CDKAL1: variants seen among roughly 807,000 people sequenced by gnomAD.
The protein encoded by CDKAL1 is threonylcarbamoyladenosine tRNA methylthiotransferase.
A neutral mutation model predicts 68.2 loss-of-function variants in CDKAL1; 32 were observed. The observed-to-expected ratio is 0.47, with a 90% CI of 0.35 to 0.63. CDKAL1 has a LOEUF of 0.63. CDKAL1 is among the 30% of genes least tolerant of loss of function. The probability of loss-of-function intolerance (pLI) is 0.00; values close to 1 mark genes in which losing one functional copy is unlikely to be tolerated. For missense variants in CDKAL1, 606 were observed against 696.7 expected (o/e 0.87, Z 1.47); for synonymous variants, 234 against 244.3 (o/e 0.96, Z 0.39).
chr6:20,779,581 G>A (rs897775585), intron 7 of CDKAL1, among the ~76,000 whole-genome samples: 2 of 152,208 alleles, frequency 1.3e-5, no homozygotes, highest in African/African-American at 4.8e-5. Context: ...TTATTGTGAT[G>A]ATTATAAAAC....
At chr6:20,826,778 A>G (rs990766646) in intron 8 of CDKAL1, among the ~76,000 whole-genome samples, 19 of 152,112 alleles carry the variant, frequency 1.2e-4, no homozygotes, top group African/African-American at 4.3e-4. Context: ...AATCACCTGC[A>G]CTTTTCATTT....
At chr6:20,949,545 G>A (rs1280794531) in intron 9 of CDKAL1, among the ~76,000 whole-genome samples, 1 of 152,050 alleles carries the variant, frequency 6.6e-6, no homozygotes, top group East Asian at 1.9e-4. Context: ...TACTGAAAGC[G>A]ATCCCATCAA....
At chr6:20,759,769 C>A (rs78156017) in intron 7 of CDKAL1, among the ~76,000 whole-genome samples, 1 of 152,046 alleles carries the variant, frequency 6.6e-6, no homozygotes, top group Non-Finnish European at 1.5e-5. Context: ...TGAAATAAAC[C>A]ATCTTCAACT....
At chr6:21,022,791 G>A (rs1768741845) in intron 11 of CDKAL1, among the ~76,000 whole-genome samples, 1 of 152,144 alleles carries the variant, frequency 6.6e-6, no homozygotes, top group African/African-American at 2.4e-5. Flanking sequence ...TATAGTATGT[G>A]CTTTGTGTAC....
At position 21,166,700 on chromosome 6, in the gene CDKAL1, T is replaced by C. The variant is rs533819430; in HGVS notation, c.1300-31321T>C. On this transcript the variant is annotated intron_variant, in intron 13 of 15. Coordinates refer to ENST00000274695, the MANE Select transcript of CDKAL1 (RefSeq NM_017774.3). ...AAGAGAGCATAGTAGAACATTTTGA[T>C]TGAAAAGGAAAATGTTTTACCTGCT... 3.1e-3 allele frequency among the ~76,000 whole-genome samples: 478 copies of C among 152,282 alleles called. 3 individuals are homozygous for C. Among genetic ancestry groups the C allele is most frequent in the African/African-American group, 0.011 (459 of 41,550 alleles).
At chr6:21,200,064 C>G (rs1778628130) in intron 14 of CDKAL1, among the ~76,000 whole-genome samples, 1 of 152,180 alleles carries the variant, frequency 6.6e-6, no homozygotes, top group African/African-American at 2.4e-5. Flanking sequence ...AAGATTGTAT[C>G]TAGATATCCA....
intron 13 of CDKAL1, among the ~76,000 whole-genome samples, chr6:21,118,205 A>G (rs1484495305): frequency 2.6e-5 from 4 of 152,234 alleles, no homozygotes; most frequent in Admixed American, 2.0e-4. Flanking sequence ...ATATTGAGAC[A>G]TACTGAGAAA....
chr6:21,184,421 C>T (rs1326404277), intron 13 of CDKAL1, among the ~76,000 whole-genome samples: 8 of 152,128 alleles, frequency 5.3e-5, no homozygotes, highest in Admixed American at 2.6e-4. Flanking sequence ...TCTCTAACTC[C>T]TGGCCTCAAG....
At position 21,228,717 on chromosome 6, in the gene CDKAL1, C is replaced by T. The variant is rs147979826; in HGVS notation, c.1549-2131C>T. On this transcript the variant is annotated intron_variant, in intron 15 of 15. Transcript: ENST00000274695. Reference sequence around the variant, plus strand: ...ATTTCAGAGATGAATTAGGCAGACTCGCTGCTTTTGAGGAACTCACATAGT... The same window carrying T: ...ATTTCAGAGATGAATTAGGCAGACTTGCTGCTTTTGAGGAACTCACATAGT... 4.6e-5 allele frequency among the ~76,000 whole-genome samples: 7 copies of T among 152,320 alleles called. 1 individual carries two copies. Among genetic ancestry groups the T allele is most frequent in the African/African-American group, 1.7e-4 (7 of 41,580 alleles).
At chr6:20,890,146 TCA>T (rs564651568) in intron 9 of CDKAL1, among the ~76,000 whole-genome samples, 68 of 152,338 alleles carry the variant, frequency 4.5e-4, no homozygotes, top group Admixed American at 4.4e-3. Flanking sequence ...AAGATGATAG[TCA>T]CACAGTGACA....
intron 11 of CDKAL1, among the ~76,000 whole-genome samples, chr6:21,056,587 T>C (rs1014909848): frequency 5.9e-5 from 9 of 152,172 alleles, no homozygotes; most frequent in Admixed American, 1.3e-4. Flanking sequence ...AGAGAGGGCA[T>C]CTTTGTCTTG....
intron 2 of CDKAL1, among the ~76,000 whole-genome samples, chr6:20,538,683 G>A (rs995297000): frequency 3.9e-5 from 6 of 152,084 alleles, no homozygotes; most frequent in African/African-American, 7.2e-5. Context: ...TAGTTCTTCC[G>A]CATTCCAAAG....
chr6:20,810,397 CACACA>C (rs1776752128), intron 8 of CDKAL1, among the ~76,000 whole-genome samples: 5 of 2,168 alleles, frequency 2.3e-3, no homozygotes, highest in East Asian at 0.013. Context: ...CTCTGTCACA[CACACA>C]CACACACACA....
chr6:20,860,595 G>T (rs562999210), intron 9 of CDKAL1, among the ~76,000 whole-genome samples: 3 of 152,164 alleles, frequency 2.0e-5, no homozygotes, highest in East Asian at 3.9e-4. Flanking sequence ...GAGGCCAAGT[G>T]GGGGCAGATC....
At chr6:21,045,080 C>T (rs970339246) in intron 11 of CDKAL1, among the ~76,000 whole-genome samples, 26 of 152,216 alleles carry the variant, frequency 1.7e-4, no homozygotes, top group Non-Finnish European at 7.3e-5. Context: ...TCTATTAATA[C>T]TATAGCATTG....
At chr6:20,883,940 A>C (rs1760945634) in intron 9 of CDKAL1, among the ~76,000 whole-genome samples, 1 of 152,226 alleles carries the variant, frequency 6.6e-6, no homozygotes, top group Non-Finnish European at 1.5e-5. Context: ...TCTGAAATTC[A>C]TCTAAAAAAT....
chr6:21,004,999 CTT>C (rs1767645898), intron 11 of CDKAL1, among the ~76,000 whole-genome samples: 1 of 152,036 alleles, frequency 6.6e-6, no homozygotes, highest in African/African-American at 2.4e-5. Context: ...AAATATGTAT[CTT>C]ATATATTTTA....
At chr6:20,647,053 T>G (rs1184067060) in intron 4 of CDKAL1, among the ~76,000 whole-genome samples, 1 of 152,206 alleles carries the variant, frequency 6.6e-6, no homozygotes, top group Non-Finnish European at 1.5e-5. Flanking sequence ...CCCTTATTTA[T>G]TTGTTTTGAA....
intron 12 of CDKAL1, among the ~76,000 whole-genome samples, chr6:21,083,541 G>T (rs776775743): frequency 6.6e-6 from 1 of 152,122 alleles, no homozygotes; most frequent in Non-Finnish European, 1.5e-5. Flanking sequence ...TTAATATTTA[G>T]TGTATATTTC....
Sources: gnomAD v4.1 joint callset for allele counts (sites outside exome capture counted in the v4.1 genomes callset) on GRCh38, gnomAD v4.1.1 for gene constraint, MANE v1.5 for transcripts, NCBI Gene and HGNC (gene_info 2026-07-23, HGNC 2026-07-21) for gene names.